NGFR: variants seen among roughly 807,000 people sequenced by gnomAD.
NGFR encodes tumor necrosis factor receptor superfamily member 16.
A neutral mutation model predicts 43.2 loss-of-function variants in NGFR; 30 were observed. The observed-to-expected ratio is 0.69, with a 90% CI of 0.52 to 0.94. The LOEUF is 0.94. Ranked by LOEUF, NGFR falls within the 40% of genes least tolerant of loss-of-function variation. The probability of loss-of-function intolerance (pLI) is 0.00; values close to 1 mark genes in which losing one functional copy is unlikely to be tolerated. For synonymous variants in NGFR, 246 were observed against 259.6 expected (o/e 0.95, Z 0.50); for missense variants, 529 against 602.5 (o/e 0.88, Z 1.28).
chr17:49,511,361 A>C (rs2071231043), intron 4 of NGFR, among the ~76,000 whole-genome samples: 2 of 152,170 alleles, frequency 1.3e-5, no homozygotes, highest in South Asian at 4.1e-4. Flanking sequence ...GGCATCAGTG[A>C]GATCACATTG....
Position 49,502,063 on chromosome 17 carries a change from G to T in NGFR, c.67G>T (p.Val23Leu). 3 of 1,314,626 alleles carry T rather than the reference G, an allele frequency of 2.3e-6. No homozygotes were observed. The African/African-American group carries it at 4.7e-5, about 20-fold the overall frequency. The allele number at this position is 1,314,626 out of a possible 1,614,324, so 81.4% of individuals were successfully genotyped here. The change falls in exon 2 of 6, where the codon GTG becomes TTG. Residue 23 changes from valine to leucine, a missense_variant and splice_region_variant. Val to Leu is a conservative substitution (Grantham distance 32, BLOSUM62 1). Transcript: ENST00000172229. ...PRLLLLLLLG[V>L]SLGGAKEACP... ...GACCCTCCGATCTCCCTCCATCCAG[G>T]TGTCCCTTGGAGGTGCCAAGGAGGC... is the stretch of plus-strand genomic sequence containing the variant.
intron 3 of NGFR, among the ~76,000 whole-genome samples, chr17:49,507,833 G>T (rs954398472): frequency 1.3e-5 from 2 of 152,170 alleles, no homozygotes; most frequent in African/African-American, 4.8e-5. Flanking sequence ...TGAGAGAGAC[G>T]TGGTCCCAGC....
chr17:49,502,000 A>AGCCCCCCCCCCCCCCCCCCCCCACCCCC, intron 1 of NGFR, 63 bp from the exon 2 acceptor site: 1 of 264,886 alleles, frequency 3.8e-6, no homozygotes, highest in Non-Finnish European at 7.9e-6. Context: ...CCCCGGAAGA[A>AGCCCCCCCCCCCCCCCCCCCCCACCCCC]CCCCCCCCAA....
chr17:49,508,301 G>T (rs2071211468), intron 3 of NGFR, among the ~76,000 whole-genome samples: 1 of 152,206 alleles, frequency 6.6e-6, no homozygotes, highest in African/African-American at 2.4e-5. Context: ...AAAGAAAGGT[G>T]GTGACTGTGG....
At position 49,513,084 on chromosome 17, in the gene NGFR, C is replaced by A. The variant is rs2071245795; in HGVS notation, c.*75C>A. The A allele has an allele frequency of 7.1e-7, 1 of 1,408,108 alleles. No homozygotes were observed. The highest frequency in any genetic ancestry group is 2.6e-4 in the Middle Eastern group (1 of 3,860). 87.2% of individuals were successfully genotyped at this position (1,408,108 alleles called of 1,614,324 possible). On this transcript the variant is annotated 3_prime_UTR_variant, in exon 6 of 6. Transcript: ENST00000172229. ...CCAGCCAACCCCTGTGGAGCCCGCA[C>A]CCCCACCCTTTGGGGGGGGCCCGCC...
intron 1 of NGFR, among the ~76,000 whole-genome samples, chr17:49,499,867 G>A (rs1375066289): frequency 1.3e-5 from 2 of 152,176 alleles, no homozygotes; most frequent in Non-Finnish European, 1.5e-5. Context: ...GATTACAGGC[G>A]TAAGCCACCA....
chr17:49,506,704 G>GGGC, intron 3 of NGFR, 46 bp downstream of exon 3: 1 of 737,232 alleles, frequency 1.4e-6, no homozygotes, highest in Non-Finnish European at 2.0e-6. Flanking sequence ...GCGGGGGTGG[G>GGGC]CTGGGGGCAT....
At chr17:49,508,564 C>T (rs1027397630) in intron 3 of NGFR, among the ~76,000 whole-genome samples, 2 of 152,170 alleles carry the variant, frequency 1.3e-5, no homozygotes, top group African/African-American at 2.4e-5. Flanking sequence ...CATTTACTTA[C>T]GTTTCAGGTG....
chr17:49,506,642 C>G lies in NGFR; in HGVS notation c.552C>G (p.Ala184=). The change falls in exon 3 of 6, where the codon GCC becomes GCG. Residue 184 remains alanine, a synonymous_variant. Coordinates refer to ENST00000172229, the MANE Select transcript of NGFR (RefSeq NM_002507.4). ...ERQLRECTRW[A]DAECEEIPGR... is the part of the protein sequence containing the mutation. ...AGCTCCGCGAGTGCACACGCTGGGC[C>G]GACGCCGAGTGCGAGGGTGAGTGCG... 2 of 1,439,448 alleles carry G rather than the reference C, an allele frequency of 1.4e-6. No homozygotes were observed. The highest frequency in any genetic ancestry group is 1.2e-5 in the South Asian group (1 of 83,206). 89.2% of individuals were successfully genotyped at this position (1,439,448 alleles called of 1,614,324 possible). A position where few individuals can be genotyped will look rare whatever the true frequency, so the allele number is the denominator to read the frequency against.
chr17:49,507,251 G>A (rs2071205394), intron 3 of NGFR, among the ~76,000 whole-genome samples: 1 of 152,202 alleles, frequency 6.6e-6, no homozygotes, highest in Admixed American at 6.5e-5. Flanking sequence ...CTGGTCATAT[G>A]GCTGCCAGGG....
At chr17:49,500,999 C>G (rs536016725) in intron 1 of NGFR, among the ~76,000 whole-genome samples, 1 of 152,238 alleles carries the variant, frequency 6.6e-6, no homozygotes, top group African/African-American at 2.4e-5. Flanking sequence ...AAAGCCCATA[C>G]TTCTCAGCAT....
intron 1 of NGFR, among the ~76,000 whole-genome samples, chr17:49,499,585 A>AT (rs1268880268): frequency 6.6e-6 from 1 of 151,206 alleles, no homozygotes; most frequent in African/African-American, 2.4e-5. Flanking sequence ...TTTTTATTTT[A>AT]TTTATTTATT....
intron 1 of NGFR, among the ~76,000 whole-genome samples, chr17:49,498,358 C>T (rs894979523): frequency 6.6e-6 from 1 of 152,212 alleles, no homozygotes; most frequent in Non-Finnish European, 1.5e-5. Context: ...GGGTAATTAG[C>T]TCCTTTCCTC....
chr17:49,505,999 A>G (rs752456438), intron 2 of NGFR: 13 of 445,788 alleles, frequency 2.9e-5, no homozygotes, highest in African/African-American at 4.0e-5. Context: ...GAACTCTCAA[A>G]GAGAATTTGC....
intron 2 of NGFR, among the ~76,000 whole-genome samples, chr17:49,503,458 G>T (rs912524139): frequency 6.6e-6 from 1 of 152,136 alleles, no homozygotes; most frequent in Non-Finnish European, 1.5e-5. Context: ...AGGGCTCGAG[G>T]GAACCATACT....
intron 3 of NGFR, among the ~76,000 whole-genome samples, 195 bp downstream of exon 3, chr17:49,506,853 T>C (rs2071202906): frequency 6.6e-6 from 1 of 152,168 alleles, no homozygotes; most frequent in Admixed American, 6.5e-5. Context: ...TTCCCCATCC[T>C]GTCTCAGCAA....
chr17:49,506,746 A>T, intron 3 of NGFR, 88 bp downstream of exon 3: 4 of 1,309,326 alleles, frequency 3.1e-6, no homozygotes, highest in South Asian at 1.5e-5. Flanking sequence ...GTCGACAAGG[A>T]CCCTGCCTGG....
chr17:49,509,342 C>T (rs1184225205), intron 3 of NGFR, among the ~76,000 whole-genome samples: 1 of 152,188 alleles, frequency 6.6e-6, no homozygotes, highest in Non-Finnish European at 1.5e-5. Context: ...ACCCCATTGG[C>T]ATGTCCTGCC....
At position 49,514,875 on chromosome 17, in the gene NGFR, C is replaced by T. The variant is rs1045580299; in HGVS notation, c.*1866C>T. ...ACCCTTTTGGCCCCCGAGCTGGGGG[C>T]CATGAGCTCCAGACCCCCAGCAACC... On this transcript the variant is annotated 3_prime_UTR_variant, in exon 6 of 6. Transcript: ENST00000172229. 5.9e-5 allele frequency: 9 copies of T among 151,996 alleles called. No individual in the cohort carries two copies. Among genetic ancestry groups the T allele is most frequent in the South Asian group, 4.1e-4 (2 of 4,822 alleles). The allele number at this position is 151,996 out of a possible 1,614,324, so 9.4% of individuals were successfully genotyped here.
Sources: gnomAD v4.1 joint callset for allele counts (sites outside exome capture counted in the v4.1 genomes callset) on GRCh38, gnomAD v4.1.1 for gene constraint, MANE v1.5 for transcripts, NCBI Gene and HGNC (gene_info 2026-07-23, HGNC 2026-07-21) for gene names.